The following CELF2 variants were observed in gnomAD, a reference collection of about 807,000 sequenced individuals.
CELF2 encodes CUG triplet repeat RNA-binding protein 2.
In CELF2, 8 loss-of-function variants were observed where a neutral mutation model predicts 62.6. That is an observed-to-expected ratio of 0.13 (90% CI 0.07 to 0.23). CELF2 has a LOEUF of 0.23. Ranked by LOEUF, CELF2 falls within the 10% of genes least tolerant of loss-of-function variation. The probability of loss-of-function intolerance (pLI) is 1.00; values close to 1 mark genes in which losing one functional copy is unlikely to be tolerated. For synonymous variants in CELF2, 258 were observed against 250.0 expected (o/e 1.03, Z -0.30); for missense variants, 333 against 671.0 (o/e 0.50, Z 5.56).
intron 3 of CELF2, 130 bp from the exon 4 acceptor site, chr10:11,249,022 AG>A (rs1225601703): frequency 3.6e-5 from 25 of 692,408 alleles, no homozygotes; most frequent in Non-Finnish European, 5.9e-5. Context: ...CATAGTTAAT[AG>A]TACCTGGAGA....
chr10:11,079,258 T>G (rs140332820), intron 1 of CELF2, among the ~76,000 whole-genome samples: 1 of 152,312 alleles, frequency 6.6e-6, no homozygotes, highest in Non-Finnish European at 1.5e-5. Flanking sequence ...TCCTCTCACC[T>G]AAATGAACTC....
intron 1 of CELF2, among the ~76,000 whole-genome samples, chr10:11,143,759 A>T (rs2061756762): frequency 6.6e-6 from 1 of 152,260 alleles, no homozygotes; most frequent in Non-Finnish European, 1.5e-5. Context: ...GTGTTCTGCC[A>T]AGCATCTACG....
chr10:10,700,739 T>G, the CELF2 span, among the ~76,000 whole-genome samples: 11 of 152,250 alleles, frequency 7.2e-5, no homozygotes, highest in Non-Finnish European at 1.6e-4. Context: ...TGATCATTCT[T>G]TGTCTAAAAA....
chr10:10,680,128 G>A, the CELF2 span, among the ~76,000 whole-genome samples: 1 of 149,960 alleles, frequency 6.7e-6, no homozygotes. Flanking sequence ...CGGGTAGCAT[G>A]ATTTGTATGT....
the CELF2 span, among the ~76,000 whole-genome samples, chr10:10,585,887 A>G: frequency 1.3e-5 from 2 of 152,352 alleles, no homozygotes; most frequent in Non-Finnish European, 2.9e-5. Flanking sequence ...CATACATTGT[A>G]GAGAGAATAT....
chr10:10,902,136 T>C (rs1246733122), intron 1 of CELF2, among the ~76,000 whole-genome samples: 2 of 152,224 alleles, frequency 1.3e-5, no homozygotes, highest in African/African-American at 4.8e-5. Context: ...GGTAGGAATG[T>C]AAAATAGCAC....
At chr10:10,941,560 A>G (rs868759927) in intron 2 of CELF2, among the ~76,000 whole-genome samples, 4 of 152,240 alleles carry the variant, frequency 2.6e-5, no homozygotes, top group Admixed American at 2.6e-4. Context: ...GCCACTTTGC[A>G]TCTGCCCAAA....
At chr10:10,981,560 C>T (rs752580516) in intron 2 of CELF2, among the ~76,000 whole-genome samples, 4 of 152,178 alleles carry the variant, frequency 2.6e-5, no homozygotes, top group Non-Finnish European at 5.9e-5. Flanking sequence ...AGTGTTCTAT[C>T]GTCCATGCAT....
At chr10:10,561,532 A>G in the CELF2 span, among the ~76,000 whole-genome samples, 2 of 152,244 alleles carry the variant, frequency 1.3e-5, no homozygotes, top group African/African-American at 4.8e-5. Flanking sequence ...CAAGAGAATT[A>G]AGACATTAAG....
chr10:11,307,734 A>G (rs939258762), intron 9 of CELF2, among the ~76,000 whole-genome samples: 2 of 152,196 alleles, frequency 1.3e-5, no homozygotes, highest in African/African-American at 4.8e-5. Context: ...TTAAGATTCC[A>G]CTGAAAAGAG....
Position 11,039,684 on chromosome 10 carries a change from T to C in CELF2, c.74+21521T>C, listed in dbSNP as rs1056449987. Among the ~76,000 whole-genome samples, 2 of 152,232 alleles carry C rather than the reference T, an allele frequency of 1.3e-5. No individual in the cohort carries two copies. The highest frequency in any genetic ancestry group is 2.4e-5 in the African/African-American group (1 of 41,466). On this transcript the variant is annotated intron_variant, in intron 1 of 12. Coordinates refer to ENST00000633077, the MANE Select transcript of CELF2 (RefSeq NM_001326342.2). This position sits in a 1 kb window ranked among gnomAD's most constrained non-coding sequence, Gnocchi z 4.1. ...AAGATAGGTTAAGTGTACTTCATAA[T>C]TTTGATCATTGAACCAGGAACATTA...
intron 1 of CELF2, among the ~76,000 whole-genome samples, chr10:10,902,298 A>T (rs1591705518): frequency 6.6e-6 from 1 of 152,358 alleles, no homozygotes; most frequent in South Asian, 2.1e-4. Context: ...ATGAATGTTC[A>T]TAGCAACTCT....
the CELF2 span, among the ~76,000 whole-genome samples, chr10:10,751,341 G>T: frequency 6.6e-5 from 10 of 152,214 alleles, no homozygotes; most frequent in African/African-American, 2.4e-4. Context: ...CTTCAGTCTG[G>T]AGGTAGAGAC....
At chr10:10,724,223 C>A in the CELF2 span, among the ~76,000 whole-genome samples, 1 of 152,180 alleles carries the variant, frequency 6.6e-6, no homozygotes, top group African/African-American at 2.4e-5. Flanking sequence ...GTCCTGGAGC[C>A]TTCTCTTCTA....
intron 2 of CELF2, among the ~76,000 whole-genome samples, chr10:11,201,619 G>A (rs181969932): frequency 6.6e-6 from 1 of 152,306 alleles, no homozygotes; most frequent in East Asian, 1.9e-4. Flanking sequence ...TCCAGTGTTG[G>A]CCCTGAGGAA....
chr10:10,708,121 G>A, the CELF2 span, among the ~76,000 whole-genome samples: 1 of 152,132 alleles, frequency 6.6e-6, no homozygotes, highest in Non-Finnish European at 1.5e-5. Context: ...TTGAGGCAGG[G>A]AGCAAATTCA....
At chr10:10,988,292 TATAGAGAG>T (rs1306397449) in intron 2 of CELF2, among the ~76,000 whole-genome samples, 7 of 148,818 alleles carry the variant, frequency 4.7e-5, no homozygotes, top group African/African-American at 1.3e-4. Context: ...TATATATATA[TATAGAGAG>T]AGAGAGAGAG....
chr10:11,157,945 G>A lies in CELF2; in HGVS notation c.75-7541G>A, dbSNP rs919886869. 2.6e-5 allele frequency among the ~76,000 whole-genome samples: 4 copies of A among 152,196 alleles called. No individual in the cohort carries two copies. The highest frequency in any genetic ancestry group is 3.8e-4 in the East Asian group (2 of 5,202). ...GGGAATCAGATGTCGTGTGTCTTTC[G>A]TTTGCCCCCCTTGATGTGGGTCCCT... is the stretch of plus-strand genomic sequence containing the variant. On this transcript the variant is annotated intron_variant, in intron 1 of 12. Coordinates refer to ENST00000633077, the MANE Select transcript of CELF2 (RefSeq NM_001326342.2). The surrounding 1 kb of genome is among the most constrained non-coding windows in gnomAD (Gnocchi z 4.9).
At chr10:11,209,886 C>T (rs1201439701) in intron 2 of CELF2, among the ~76,000 whole-genome samples, 1 of 152,148 alleles carries the variant, frequency 6.6e-6, no homozygotes, top group Non-Finnish European at 1.5e-5. Flanking sequence ...CCTCTTTTGA[C>T]TTAAACTGGC....
Sources: allele counts gnomAD v4.1 joint callset (sites outside exome capture counted in the v4.1 genomes callset), GRCh38; gene constraint gnomAD v4.1.1; non-coding constraint Gnocchi (gnomAD v3.1); transcripts MANE v1.5; gene names NCBI Gene and HGNC (gene_info 2026-07-23, HGNC 2026-07-21).